Variants in ABCA12 observed in about 807,000 individuals in gnomAD.
ABCA12 encodes ATP binding cassette subfamily A member 12, also known as glucosylceramide transporter ABCA12.
A neutral mutation model predicts 293.5 loss-of-function variants in ABCA12; 156 were observed. The observed-to-expected ratio is 0.53, with a 90% CI of 0.47 to 0.61. The LOEUF (loss-of-function observed/expected upper bound fraction) is 0.61. ABCA12 is among the 20% of genes least tolerant of loss of function. ABCA12 has a pLI of 0.00. For missense variants in ABCA12, 2,797 were observed against 3,090.2 expected (o/e 0.91, Z 2.25); for synonymous variants, 1,063 against 1,108.0 (o/e 0.96, Z 0.81).
At chr2:214,984,890 G>A (rs1355277856) in intron 28 of ABCA12, among the ~76,000 whole-genome samples, 1 of 152,028 alleles carries the variant, frequency 6.6e-6, no homozygotes, top group Non-Finnish European at 1.5e-5. Flanking sequence ...TCTCTATACT[G>A]TGATTAGAAT....
At chr2:215,079,241 T>C (rs1701890764) in intron 2 of ABCA12, among the ~76,000 whole-genome samples, 1 of 152,218 alleles carries the variant, frequency 6.6e-6, no homozygotes, top group African/African-American at 2.4e-5. Context: ...AGGTGCAATA[T>C]AGCACACAAG....
At chr2:215,034,439 G>GA (rs11418960) in intron 8 of ABCA12, among the ~76,000 whole-genome samples, 8,403 of 152,188 alleles carry the variant, frequency 0.055, 313 homozygotes, top group Non-Finnish European at 0.085. Flanking sequence ...GAAGGCAGTG[G>GA]AAAAAATGTA....
chr2:215,078,812 C>G (rs1046423062), intron 2 of ABCA12, among the ~76,000 whole-genome samples: 1 of 152,224 alleles, frequency 6.6e-6, no homozygotes, highest in South Asian at 2.1e-4. Context: ...GGCCATTATA[C>G]CTAAGAATTA....
chr2:215,122,946 A>G (rs1331539850), intron 1 of ABCA12, among the ~76,000 whole-genome samples: 1 of 151,986 alleles, frequency 6.6e-6, no homozygotes, highest in Non-Finnish European at 1.5e-5. Flanking sequence ...TCCCTTCCCT[A>G]CTATGGCATT....
intron 3 of ABCA12, among the ~76,000 whole-genome samples, chr2:215,057,427 T>C (rs1276771905): frequency 6.6e-6 from 1 of 151,990 alleles, no homozygotes; most frequent in African/African-American, 2.4e-5. Context: ...ATTTTAGATG[T>C]AATCCCTTTA....
intron 2 of ABCA12, 76 bp from the exon 3 acceptor site, chr2:215,064,295 T>A: frequency 2.1e-6 from 3 of 1,448,226 alleles, no homozygotes; most frequent in Non-Finnish European, 1.9e-6. Flanking sequence ...GTAACTCCAC[T>A]TTGTGAAGTT....
In ABCA12 at chr2:215,015,480, A is replaced by G. The variant is rs1410761792; in HGVS notation, c.1956+10T>C. On this transcript the variant is annotated intron_variant, in intron 15 of 52. Transcript: ENST00000272895. ...ATGAATATAAACATATTTAACCAAC[A>G]GCAACTTGCCTTGTATGTGAAGTTG... The G allele has an allele frequency of 3.7e-6, 6 of 1,612,006 alleles. No homozygotes were observed. The highest frequency in any genetic ancestry group is 1.7e-4 in the Middle Eastern group (1 of 6,060).
intron 45 of ABCA12, among the ~76,000 whole-genome samples, chr2:214,950,608 T>G (rs4672738): frequency 0.39 from 58,062 of 150,538 alleles, 11,347 homozygotes; most frequent in South Asian, 0.48. Context: ...AGGTTCAAAC[T>G]ATTCTCGTGC....
intron 39 of ABCA12, among the ~76,000 whole-genome samples, chr2:214,960,945 A>T (rs978043783): frequency 1.3e-5 from 2 of 152,160 alleles, no homozygotes; most frequent in Non-Finnish European, 2.9e-5. Context: ...AAAGCTAATT[A>T]AAAGATTTTT....
chr2:215,120,394 A>T (rs925646746), intron 1 of ABCA12, among the ~76,000 whole-genome samples: 1 of 152,176 alleles, frequency 6.6e-6, no homozygotes, highest in South Asian at 2.1e-4. Context: ...CTAAAATAAA[A>T]TTTGAAAAAA....
At chr2:215,033,958 AT>A (rs1342027281) in intron 8 of ABCA12, among the ~76,000 whole-genome samples, 4 of 152,160 alleles carry the variant, frequency 2.6e-5, no homozygotes, top group African/African-American at 9.7e-5. Context: ...AAAAATAAAA[AT>A]AAAAAAATAA....
intron 2 of ABCA12, among the ~76,000 whole-genome samples, chr2:215,069,582 G>C (rs1044678422): frequency 1.3e-5 from 2 of 152,046 alleles, no homozygotes; most frequent in Admixed American, 6.6e-5. Context: ...AAAGTAGTTC[G>C]TAACATTATA....
intron 7 of ABCA12, chr2:215,042,450 T>C (rs917161557): frequency 2.0e-5 from 3 of 152,180 alleles, no homozygotes; most frequent in Non-Finnish European, 4.4e-5. Context: ...TCCCACTATG[T>C]TGCCCAGGCT....
chr2:214,997,566 G>T (rs756800692), intron 23 of ABCA12, 129 bp downstream of exon 23: 1 of 670,498 alleles, frequency 1.5e-6, no homozygotes, highest in Non-Finnish European at 2.5e-6. Context: ...ATTTGTAAAA[G>T]GTTTTTCTTT....
intron 3 of ABCA12, among the ~76,000 whole-genome samples, chr2:215,058,545 C>T (rs6705760): frequency 0.64 from 97,469 of 151,898 alleles, 31,918 homozygotes; most frequent in African/African-American, 0.77. Flanking sequence ...TATGAAAGTA[C>T]TGCACAAAAC....
chr2:215,073,911 G>T (rs1701786555), intron 2 of ABCA12, among the ~76,000 whole-genome samples: 1 of 152,180 alleles, frequency 6.6e-6, no homozygotes, highest in African/African-American at 2.4e-5. Context: ...GGCCAAATGA[G>T]CTTAGGAAAC....
chr2:215,024,472 C>G (rs1336662040), intron 11 of ABCA12, among the ~76,000 whole-genome samples: 7 of 152,120 alleles, frequency 4.6e-5, no homozygotes, highest in African/African-American at 1.7e-4. Context: ...CTAATATTAT[C>G]GAAGAAGTGG....
chr2:215,108,995 AGGCAGAGGT>A (rs1406088306), intron 2 of ABCA12, among the ~76,000 whole-genome samples: 4 of 151,410 alleles, frequency 2.6e-5, no homozygotes, highest in Non-Finnish European at 5.9e-5. Context: ...TGAACCCAGG[AGGCAGAGGT>A]GGCAGCGAGC....
intron 7 of ABCA12, 23 bp downstream of exon 7, chr2:215,045,814 A>G (rs1040371482): frequency 3.1e-6 from 5 of 1,604,482 alleles, no homozygotes; most frequent in Non-Finnish European, 4.3e-6. Flanking sequence ...CTAATATTAC[A>G]TTTAATTCTT....
Sources: gnomAD v4.1 joint callset for allele counts (sites outside exome capture counted in the v4.1 genomes callset) on GRCh38, gnomAD v4.1.1 for gene constraint, MANE v1.5 for transcripts, NCBI Gene and HGNC (gene_info 2026-07-23, HGNC 2026-07-21) for gene names.